The following ABCC5 variants were observed in gnomAD, a reference collection of about 807,000 sequenced individuals.
ABCC5 encodes ATP binding cassette subfamily C member 5, also known as ATP-binding cassette sub-family C member 5.
In ABCC5, 61 loss-of-function variants were observed where a neutral mutation model predicts 160.9. The ratio of observed to expected loss-of-function variants is 0.38; its 90% CI spans 0.31 to 0.47. The LOEUF (loss-of-function observed/expected upper bound fraction) is 0.47, where lower values mean the gene tolerates loss of function less well. ABCC5 is among the 20% of genes least tolerant of loss of function. ABCC5 has a pLI of 0.99. For synonymous variants in ABCC5, 666 were observed against 700.6 expected (o/e 0.95, Z 0.78); for missense variants, 1,308 against 1,813.3 (o/e 0.72, Z 5.06).
chr3:183,941,675 A>T (rs6804242), intron 25 of ABCC5, among the ~76,000 whole-genome samples: 95,436 of 151,824 alleles, frequency 0.63, 30,969 homozygotes, highest in East Asian at 0.85. Flanking sequence ...TTTGGAATGC[A>T]ATTCAGGAAC....
chr3:183,957,776 G>GCGGA (rs1716291150), intron 17 of ABCC5, among the ~76,000 whole-genome samples: 3 of 148,850 alleles, frequency 2.0e-5, no homozygotes, highest in South Asian at 2.1e-4. Context: ...TCGGTTACAC[G>GCGGA]TAAATCCGTG....
chr3:184,014,264 C>A lies in ABCC5; in HGVS notation c.129G>T (p.Pro43=). The A allele has an allele frequency of 6.2e-7, 1 of 1,612,006 alleles. No individual in the cohort carries two copies. Among genetic ancestry groups the A allele is most frequent in the African/African-American group, 1.3e-5 (1 of 74,830 alleles). The part of the protein sequence containing the change: ...REDSKFRRTR[P]LECQDALETA... ...GAGACTCTTAGGAAAGGAAACTGAC[C>A]GGTCGAGTTCTCCTGAACTTGGAAT... Residue 43 remains proline (P), a splice_region_variant and synonymous_variant, in exon 2 of 30, where the codon CCG becomes CCT. Coordinates refer to ENST00000334444, the MANE Select transcript of ABCC5 (RefSeq NM_005688.4).
chr3:183,956,583 C>T (rs943469659), intron 17 of ABCC5, among the ~76,000 whole-genome samples: 2 of 148,754 alleles, frequency 1.3e-5, no homozygotes, highest in African/African-American at 5.0e-5. Context: ...TATATCACAT[C>T]GGTTACATGC....
intron 2 of ABCC5, among the ~76,000 whole-genome samples, chr3:184,000,359 TAAATAA>T (rs940935682): frequency 1.3e-5 from 2 of 151,796 alleles, no homozygotes; most frequent in African/African-American, 4.8e-5. Context: ...AATAAATAAA[TAAATAA>T]AAATAAGAAG....
At position 183,965,248 on chromosome 3, in the gene ABCC5, A is replaced by G. The variant is rs374472039; in HGVS notation, c.1968T>C (p.Ser656=). The G allele has an allele frequency of 5.6e-6, 9 of 1,614,134 alleles. No homozygotes were observed. In the African/African-American group the frequency reaches 9.3e-5, roughly 17 times the overall value. ...GKEYDEERYN[S]VLNSCCLRPD... is the part of the protein sequence containing the mutation. The stretch of plus-strand genomic sequence containing the variant: ...GCCTCAGGCAGCAGCTGTTCAGCAC[A>G]GAGTTGTATCTGGAGGACACAAAGA... Residue 656 remains serine (S), a synonymous_variant, in exon 14 of 30, where the codon TCT becomes TCC. Transcript: ENST00000334444.
rs1162213386 is a variant in ABCC5 at position 183,969,064 on chromosome 3, G to A, written c.1762-1298C>T. ...CTGCTCAGGCCAGTTAGATTTACAT[G>A]AGAAAAATGCTATTCTTATGATTAA... On this transcript the variant is annotated intron_variant, in intron 11 of 29. Transcript: ENST00000334444. Among the ~76,000 whole-genome samples the A allele has an allele frequency of 4.6e-5, 7 of 152,178 alleles. No individual in the cohort carries two copies. In the East Asian group the frequency reaches 1.3e-3, roughly 29 times the overall value.
At chr3:183,929,017 T>C (rs1348772011) in intron 26 of ABCC5, among the ~76,000 whole-genome samples, 192 bp from the exon 27 acceptor site, 1 of 152,198 alleles carries the variant, frequency 6.6e-6, no homozygotes, top group African/African-American at 2.4e-5. Context: ...CTCAGCTCCA[T>C]AAAACTTGAT....
At chr3:183,934,228 C>T (rs1378780567) in intron 26 of ABCC5, among the ~76,000 whole-genome samples, 3 of 152,184 alleles carry the variant, frequency 2.0e-5, no homozygotes, top group Non-Finnish European at 4.4e-5. Flanking sequence ...ATCACTTGAA[C>T]CCAGGAGGCA....
rs570378718 is a variant in ABCC5 at position 184,014,415 on chromosome 3, G to A, written c.-23C>T. 2.5e-6 allele frequency: 4 copies of A among 1,598,896 alleles called. No homozygotes were observed. The South Asian group carries it at 4.5e-5, about 18-fold the overall frequency. On this transcript the variant is annotated 5_prime_UTR_variant, in exon 2 of 30. Coordinates refer to ENST00000334444, the MANE Select transcript of ABCC5 (RefSeq NM_005688.4). ...CATCTTCTCTGAGTGGAGGTTCCAG[G>A]GCTCACAGACTGTTAGTTTCACATC...
At chr3:183,957,778 A>G (rs200952334) in intron 17 of ABCC5, among the ~76,000 whole-genome samples, 1,626 of 75,542 alleles carry the variant, frequency 0.022, 4 homozygotes, top group East Asian at 0.07. Flanking sequence ...GGTTACACGT[A>G]AATCCGTGTG....
intron 5 of ABCC5, chr3:183,984,620 A>G: frequency 2.8e-6 from 4 of 1,410,278 alleles, no homozygotes; most frequent in Non-Finnish European, 3.7e-6. Context: ...ATCAAATAGG[A>G]GACTTCAGAT....
intron 22 of ABCC5, among the ~76,000 whole-genome samples, chr3:183,948,380 C>T (rs1363861997): frequency 6.6e-6 from 1 of 152,134 alleles, no homozygotes; most frequent in African/African-American, 2.4e-5. Flanking sequence ...CTGACATTTA[C>T]TGTGTGTAGG....
At chr3:183,973,238 T>G (rs140167615) in intron 10 of ABCC5, among the ~76,000 whole-genome samples, 96 of 151,406 alleles carry the variant, frequency 6.3e-4, no homozygotes, top group African/African-American at 2.2e-3. Flanking sequence ...GTATTTTTAG[T>G]AGAGACAGGG....
chr3:183,934,135 G>A (rs1030820861), intron 26 of ABCC5, among the ~76,000 whole-genome samples: 2 of 152,102 alleles, frequency 1.3e-5, no homozygotes, highest in Admixed American at 6.5e-5. Context: ...GTGAAACCCC[G>A]TCTCTACTAA....
At chr3:183,986,075 G>A (rs1560035332) in intron 5 of ABCC5, 1 of 152,884 alleles carries the variant, frequency 6.5e-6, no homozygotes, top group Non-Finnish European at 1.5e-5. Flanking sequence ...AATCTAAAAC[G>A]AAATGTTCCT....
intron 11 of ABCC5, among the ~76,000 whole-genome samples, chr3:183,968,616 A>G (rs1004534824): frequency 8.5e-5 from 13 of 152,236 alleles, no homozygotes; most frequent in Non-Finnish European, 1.6e-4. Flanking sequence ...CACCAAGTCT[A>G]TGATTAACTG....
intron 26 of ABCC5, among the ~76,000 whole-genome samples, chr3:183,929,765 C>T (rs1172085046): frequency 4.6e-5 from 7 of 151,910 alleles, no homozygotes; most frequent in South Asian, 4.2e-4. Context: ...TTTTTACAGG[C>T]GCATGCCACG....
rs1020115566 is a variant in ABCC5, at chr3:183,954,340, G to A, written c.2483-1070C>T. 4.5e-4 allele frequency among the ~76,000 whole-genome samples: 69 copies of A among 152,240 alleles called. 1 individual carries two copies. The highest frequency in any genetic ancestry group is 1.7e-3 in the South Asian group (8 of 4,820). On this transcript the variant is annotated intron_variant, in intron 17 of 29. Coordinates refer to ENST00000334444, the MANE Select transcript of ABCC5 (RefSeq NM_005688.4). ...ATTTTTGTATTTTTAGTAGAGACGA[G>A]GTTTCACCATGTTGGCCAGGCTGGT...
chr3:183,948,403 T>C (rs1715046381), intron 22 of ABCC5, among the ~76,000 whole-genome samples: 1 of 152,230 alleles, frequency 6.6e-6, no homozygotes, highest in Non-Finnish European at 1.5e-5. Flanking sequence ...TATACACATG[T>C]ACGTATTTAG....
Sources: gnomAD v4.1 joint callset for allele counts (sites outside exome capture counted in the v4.1 genomes callset) on GRCh38, gnomAD v4.1.1 for gene constraint, MANE v1.5 for transcripts, NCBI Gene and HGNC (gene_info 2026-07-23, HGNC 2026-07-21) for gene names.